The following CSMD1 variants were observed in gnomAD, a reference collection of about 807,000 sequenced individuals.
CSMD1 encodes CUB and Sushi multiple domains 1, also known as CUB and sushi domain-containing protein 1.
Under a neutral mutation model 417.5 loss-of-function variants are expected in CSMD1, and 213 were observed. The ratio of observed to expected loss-of-function variants is 0.51; its 90% CI spans 0.46 to 0.57. The LOEUF (loss-of-function observed/expected upper bound fraction) is 0.57, where lower values mean the gene tolerates loss of function less well. Among genes scored for constraint, CSMD1 ranks in the 20% least tolerant of loss-of-function variants. CSMD1 has a pLI of 0.00. For synonymous variants in CSMD1, 2,862 were observed against 1,736.8 expected (o/e 1.65, Z -16.11); for missense variants, 6,923 against 4,529.7 (o/e 1.53, Z -15.17).
chr8:3,290,795 T>C (rs924803863), intron 25 of CSMD1, among the ~76,000 whole-genome samples: 1 of 148,298 alleles, frequency 6.7e-6, no homozygotes, highest in Non-Finnish European at 1.5e-5. Context: ...ACTTCCTCTT[T>C]TCCTAATTGA....
chr8:3,297,665 T>C (rs1804066871), intron 25 of CSMD1, among the ~76,000 whole-genome samples: 1 of 152,168 alleles, frequency 6.6e-6, no homozygotes, highest in Non-Finnish European at 1.5e-5. Flanking sequence ...CCCAGTGGAA[T>C]AGAGATGTAA....
intron 18 of CSMD1, among the ~76,000 whole-genome samples, chr8:3,378,025 C>A (rs535343236): frequency 6.6e-6 from 1 of 152,076 alleles, no homozygotes; most frequent in African/African-American, 2.4e-5. Flanking sequence ...TGAGTGTGAC[C>A]TGGTCTTGGA....
At chr8:3,720,286 G>A (rs1431364518) in intron 6 of CSMD1, among the ~76,000 whole-genome samples, 2 of 152,062 alleles carry the variant, frequency 1.3e-5, no homozygotes, top group Non-Finnish European at 2.9e-5. Context: ...TCAATCAATA[G>A]AGCTTACAGA....
chr8:3,668,848 A>T (rs976618745), intron 7 of CSMD1, among the ~76,000 whole-genome samples: 4 of 152,188 alleles, frequency 2.6e-5, no homozygotes. Flanking sequence ...ACACAATTAT[A>T]GAATTATATT....
intron 2 of CSMD1, among the ~76,000 whole-genome samples, chr8:4,426,358 CCT>C (rs1797554553): frequency 1.3e-5 from 2 of 149,664 alleles, no homozygotes; most frequent in South Asian, 4.2e-4. Context: ...TTTTGAAAAT[CCT>C]TTTTATATAT....
intron 1 of CSMD1, among the ~76,000 whole-genome samples, chr8:4,738,476 AT>A (rs1000253278): frequency 4.6e-5 from 7 of 152,146 alleles, no homozygotes; most frequent in African/African-American, 1.4e-4. Flanking sequence ...CAAACTTGCT[AT>A]CAGGAGAACA....
chr8:4,135,038 C>G (rs1256657662), intron 3 of CSMD1, among the ~76,000 whole-genome samples: 1 of 152,100 alleles, frequency 6.6e-6, no homozygotes, highest in Non-Finnish European at 1.5e-5. Flanking sequence ...AGAGGATAGA[C>G]CCCTTTCTTA....
intron 1 of CSMD1, among the ~76,000 whole-genome samples, chr8:4,798,523 AG>A (rs1423533732): frequency 2.0e-5 from 3 of 152,232 alleles, no homozygotes; most frequent in African/African-American, 7.2e-5. Context: ...GTGAACAGAC[AG>A]GTTAGTATCT....
At chr8:4,362,966 A>T (rs1173445348) in intron 3 of CSMD1, among the ~76,000 whole-genome samples, 1 of 152,196 alleles carries the variant, frequency 6.6e-6, no homozygotes, top group Non-Finnish European at 1.5e-5. Context: ...AAATATCTAA[A>T]AACTGCTATC....
chr8:3,181,898 A>T (rs963839604), intron 36 of CSMD1, among the ~76,000 whole-genome samples: 5 of 152,234 alleles, frequency 3.3e-5, no homozygotes, highest in Non-Finnish European at 7.3e-5. Flanking sequence ...AGGAAAAGAA[A>T]ATCGTTCATC....
intron 2 of CSMD1, among the ~76,000 whole-genome samples, chr8:4,440,524 C>T (rs758511529): frequency 6.6e-6 from 1 of 152,062 alleles, no homozygotes; most frequent in Non-Finnish European, 1.5e-5. Context: ...GATATAAAGA[C>T]ATGTACAGAT....
intron 12 of CSMD1, among the ~76,000 whole-genome samples, chr8:3,463,115 G>C (rs7005502): frequency 1.3e-5 from 2 of 151,990 alleles, no homozygotes; most frequent in Non-Finnish European, 2.9e-5. Context: ...TTCCATTGTC[G>C]CCAAGCCAAC....
intron 7 of CSMD1, among the ~76,000 whole-genome samples, chr8:3,631,898 T>G (rs1345892014): frequency 6.6e-6 from 1 of 152,082 alleles, no homozygotes; most frequent in Non-Finnish European, 1.5e-5. Context: ...TTATGCAGAG[T>G]AGACTGACGA....
intron 3 of CSMD1, among the ~76,000 whole-genome samples, chr8:4,276,660 T>C (rs1172033948): frequency 6.6e-6 from 1 of 152,214 alleles, no homozygotes; most frequent in Non-Finnish European, 1.5e-5. Flanking sequence ...AGTCTTATTT[T>C]CCTTCTGGTC....
At chr8:3,564,020 T>A (rs1257207521) in intron 10 of CSMD1, among the ~76,000 whole-genome samples, 1 of 152,240 alleles carries the variant, frequency 6.6e-6, no homozygotes, top group African/African-American at 2.4e-5. Flanking sequence ...TACTTTTATT[T>A]TGATTTGTAG....
intron 5 of CSMD1, among the ~76,000 whole-genome samples, chr8:3,907,778 G>C (rs1808209382): frequency 6.6e-6 from 1 of 152,146 alleles, no homozygotes; most frequent in Non-Finnish European, 1.5e-5. Flanking sequence ...CTGACTCTTA[G>C]AATCACCCGC....
chr8:3,798,072 T>C (rs1007273497), intron 5 of CSMD1, among the ~76,000 whole-genome samples: 6 of 152,124 alleles, frequency 3.9e-5, no homozygotes, highest in Non-Finnish European at 7.4e-5. Context: ...TCCATTGAAG[T>C]ATTGTGATGA....
intron 1 of CSMD1, among the ~76,000 whole-genome samples, chr8:4,693,812 G>C (rs1044022690): frequency 2.0e-4 from 3 of 15,084 alleles, no homozygotes; most frequent in Non-Finnish European, 3.1e-4. Context: ...GAGTAGCTGG[G>C]ACCACAGGTG....
At chr8:4,452,378 G>T (rs182300278) in intron 2 of CSMD1, among the ~76,000 whole-genome samples, 16 of 152,292 alleles carry the variant, frequency 1.1e-4, no homozygotes, top group Admixed American at 9.8e-4. Flanking sequence ...ATACAAAGGC[G>T]TAGCCTCGAG....
Sources: gnomAD v4.1 joint callset for allele counts (sites outside exome capture counted in the v4.1 genomes callset) on GRCh38, gnomAD v4.1.1 for gene constraint, MANE v1.5 for transcripts, NCBI Gene and HGNC (gene_info 2026-07-23, HGNC 2026-07-21) for gene names.